PTK2B: variants seen among roughly 807,000 people sequenced by gnomAD.
PTK2B encodes the protein protein-tyrosine kinase 2-beta.
A neutral mutation model predicts 142.9 loss-of-function variants in PTK2B; 71 were observed. That is an observed-to-expected ratio of 0.50 (90% CI 0.41 to 0.61). The LOEUF is 0.61. Among genes scored for constraint, PTK2B ranks in the 20% least tolerant of loss-of-function variants. The pLI, the probability that PTK2B is intolerant of heterozygous loss-of-function variation, is 0.00. For synonymous variants in PTK2B, 519 were observed against 503.4 expected (o/e 1.03, Z -0.42); for missense variants, 1,105 against 1,320.4 (o/e 0.84, Z 2.53).
At chr8:27,311,389 A>G, upstream of PTK2B, 4 of 942,186 alleles carry the variant, frequency 4.2e-6, no homozygotes, top group South Asian at 1.8e-5. Flanking sequence ...TGCGGGGGGG[A>G]TGGCGAGGGG....
At chr8:27,386,624 C>A (rs1273422084) in intron 1 of PTK2B, among the ~76,000 whole-genome samples, 2 of 152,142 alleles carry the variant, frequency 1.3e-5, no homozygotes, top group African/African-American at 4.8e-5. Flanking sequence ...GCTGTTTTAT[C>A]CAATTTGCAT....
chr8:27,369,851 C>T (rs186896716), intron 1 of PTK2B, among the ~76,000 whole-genome samples: 201 of 152,222 alleles, frequency 1.3e-3, no homozygotes, highest in Non-Finnish European at 2.5e-3. Flanking sequence ...GTGGCATGTG[C>T]CTGTAATCCC....
intron 7 of PTK2B, 101 bp downstream of exon 7, chr8:27,430,519 C>T: frequency 1.4e-6 from 2 of 1,476,290 alleles, no homozygotes; most frequent in Non-Finnish European, 9.4e-7. Context: ...GCCAGGGTAT[C>T]TGCGCGGCCT....
chr8:27,389,331 A>G (rs56085315), intron 1 of PTK2B, among the ~76,000 whole-genome samples: 1 of 151,854 alleles, frequency 6.6e-6, no homozygotes, highest in Non-Finnish European at 1.5e-5. Flanking sequence ...GAGGGAAGAC[A>G]GGAAGACACT....
chr8:27,312,849 A>G (rs1457545057), intron 2 of PTK2B, among the ~76,000 whole-genome samples: 1 of 152,228 alleles, frequency 6.6e-6, no homozygotes, highest in Non-Finnish European at 1.5e-5. Flanking sequence ...ACTGTAGGCC[A>G]TAAGAGCCCG....
chr8:27,450,248 G>A (rs891324620), intron 24 of PTK2B, among the ~76,000 whole-genome samples: 8 of 152,164 alleles, frequency 5.3e-5, no homozygotes, highest in Non-Finnish European at 8.8e-5. Flanking sequence ...CCTGTCTCTC[G>A]AAGCTTCCAG....
chr8:27,357,384 C>T (rs1384092550), intron 1 of PTK2B, among the ~76,000 whole-genome samples: 1 of 152,238 alleles, frequency 6.6e-6, no homozygotes, highest in African/African-American at 2.4e-5. Context: ...CCCTCATGGT[C>T]CTCACATCAT....
chr8:27,419,832 T>C, intron 2 of PTK2B, 63 bp from the exon 3 acceptor site: 1 of 1,564,110 alleles, frequency 6.4e-7, no homozygotes, highest in Non-Finnish European at 8.8e-7. Context: ...CAGGTCTGTG[T>C]GAGAATTATG....
At chr8:27,385,818 G>A (rs570675096) in intron 1 of PTK2B, among the ~76,000 whole-genome samples, 1 of 151,288 alleles carries the variant, frequency 6.6e-6, no homozygotes, top group Non-Finnish European at 1.5e-5. Flanking sequence ...ACTTGAACCC[G>A]GGAGGCAGAG....
At chr8:27,450,672 C>T in intron 24 of PTK2B, 77 bp from the exon 25 acceptor site, 1 of 1,563,586 alleles carries the variant, frequency 6.4e-7, no homozygotes. Context: ...CCATGAGGTT[C>T]TTCAGAGGAC....
intron 7 of PTK2B, 107 bp from the exon 8 acceptor site, chr8:27,430,769 C>T: frequency 6.9e-7 from 1 of 1,456,908 alleles, no homozygotes; most frequent in Non-Finnish European, 9.3e-7. Flanking sequence ...GGCAAAGGCC[C>T]TGGGGATCAT....
intron 15 of PTK2B, 71 bp from the exon 16 acceptor site, chr8:27,437,051 G>A (rs1241085687): frequency 2.1e-6 from 3 of 1,453,726 alleles, no homozygotes; most frequent in South Asian, 2.3e-5. Flanking sequence ...GAGGCCATGG[G>A]GAGGCCAGGA....
intron 30 of PTK2B, among the ~76,000 whole-genome samples, chr8:27,454,839 C>T (rs181331943): frequency 6.6e-5 from 10 of 152,296 alleles, no homozygotes; most frequent in East Asian, 5.8e-4. Flanking sequence ...CTCCAGATGA[C>T]GGCAGTGAAT....
In PTK2B at chr8:27,353,306, A is replaced by G. The variant is rs1805205618; in HGVS notation, c.-38+27625A>G. Reference sequence around the variant, plus strand: ...AGTAGGGAGTGGATGGGGAGATACCACATCAGGCTAGTCAGTCACCCTTGG... The same window carrying G: ...AGTAGGGAGTGGATGGGGAGATACCGCATCAGGCTAGTCAGTCACCCTTGG... On this transcript the variant is annotated intron_variant, in intron 1 of 30. Coordinates refer to ENST00000346049, the MANE Select transcript of PTK2B (RefSeq NM_173176.3). Among the ~76,000 whole-genome samples the G allele has an allele frequency of 2.0e-5, 3 of 152,140 alleles. No homozygotes were observed. In the South Asian group the frequency reaches 6.2e-4, roughly 31 times the overall value.
rs1359853957 is a variant in PTK2B at position 27,451,732 on chromosome 8, G to A, written c.2548+223G>A. 11 of 1,407,340 alleles carry A rather than the reference G, an allele frequency of 7.8e-6. No individual in the cohort carries two copies. In the South Asian group the frequency reaches 7.8e-5, roughly 10 times the overall value. The allele number at this position is 1,407,340 out of a possible 1,614,324, so 87.2% of individuals were successfully genotyped here. A position where few individuals can be genotyped will look rare whatever the true frequency, so the allele number is the denominator to read the frequency against. ...CACCCTGCCCTTCTCTCTCTCAGTGGCCACATCCTTAGGCCCCTCCTCAGA... is the reference window on the plus strand; with the variant it reads ...CACCCTGCCCTTCTCTCTCTCAGTGACCACATCCTTAGGCCCCTCCTCAGA... On this transcript the variant is annotated intron_variant, in intron 27 of 30. Coordinates refer to ENST00000346049, the MANE Select transcript of PTK2B (RefSeq NM_173176.3).
chr8:27,399,551 T>C (rs1157476552), intron 2 of PTK2B, among the ~76,000 whole-genome samples: 1 of 152,174 alleles, frequency 6.6e-6, no homozygotes, highest in Non-Finnish European at 1.5e-5. Context: ...AGGGGCAAGA[T>C]ATTCCTGGAG....
Position 27,434,095 on chromosome 8 carries a change from G to T in PTK2B, c.1108G>T (p.Gly370Cys). 1 of 1,614,080 alleles carries T rather than the reference G, an allele frequency of 6.2e-7. No individual in the cohort carries two copies. Among genetic ancestry groups the T allele is most frequent in the South Asian group, 1.1e-5 (1 of 91,078 alleles). Residue 370 changes from glycine (G) to cysteine (C), a missense_variant and splice_region_variant, in exon 12 of 31, where the codon GGT becomes TGT. Transcript: ENST00000346049. ...GSLIIHPRKDGEKRNSLPQIP... is the reference protein window; with the variant it reads ...GSLIIHPRKDCEKRNSLPQIP... ...CCTCCTTCCTCCTCTCTTCCTAGAT[G>T]GTGAGAAGCGGAACAGCCTGCCCCA...
At chr8:27,341,367 G>A (rs1879189) in intron 1 of PTK2B, among the ~76,000 whole-genome samples, 120,762 of 152,174 alleles carry the variant, frequency 0.79, 48,578 homozygotes, top group Middle Eastern at 0.87. Flanking sequence ...GTTCAGATGC[G>A]GAGAAGTTTT....
chr8:27,339,402 C>T (rs1450694606), intron 1 of PTK2B, among the ~76,000 whole-genome samples: 1 of 152,232 alleles, frequency 6.6e-6, no homozygotes, highest in Non-Finnish European at 1.5e-5. Context: ...AGAGGCCACA[C>T]TCACCACCTA....
Sources: gnomAD v4.1 joint callset for allele counts (sites outside exome capture counted in the v4.1 genomes callset) on GRCh38, gnomAD v4.1.1 for gene constraint, MANE v1.5 for transcripts, NCBI Gene and HGNC (gene_info 2026-07-23, HGNC 2026-07-21) for gene names.